Variants in STK32B observed in about 807,000 individuals in gnomAD.
The protein encoded by STK32B is serine/threonine kinase 32B.
In STK32B, 43 loss-of-function variants were observed where a neutral mutation model predicts 52.6. That is an observed-to-expected ratio of 0.82 (90% CI 0.64 to 1.05). STK32B has a LOEUF of 1.05. STK32B is among the 50% of genes least tolerant of loss of function. STK32B has a pLI of 0.00. For missense variants in STK32B, 621 were observed against 534.6 expected (o/e 1.16, Z -1.59); for synonymous variants, 238 against 204.3 (o/e 1.17, Z -1.41).
chr4:5,466,901 GCCACTGTTTAGC>G lies in STK32B; in HGVS notation c.1041+68_1041+79del. 6 of 1,538,900 alleles carry G rather than the reference GCCACTGTTTAGC, an allele frequency of 3.9e-6. No homozygotes were observed. The Admixed American group carries it at 6.4e-5, about 16-fold the overall frequency. ...GCTCATAGGGAAATGACTGAGCCAG[GCCACTGTTTAGC>G]AAAAAGGGGACATTTCAATCCTCCC... On this transcript the variant is annotated intron_variant, in intron 10 of 11. Coordinates refer to ENST00000282908, the MANE Select transcript of STK32B (RefSeq NM_018401.3).
chr4:5,137,323 G>A (rs1244466069), intron 1 of STK32B, among the ~76,000 whole-genome samples: 1 of 152,200 alleles, frequency 6.6e-6, no homozygotes, highest in African/African-American at 2.4e-5. Context: ...GCAAGAAGGA[G>A]CAGAAGAGAG....
the STK32B span, chr4:5,019,451 C>T: frequency 5.4e-5 from 79 of 1,458,678 alleles, no homozygotes; most frequent in African/African-American, 1.0e-3. Context: ...CTCATGGTGC[C>T]AGGCGCTGGT....
chr4:5,071,796 T>A (rs1469270308), intron 1 of STK32B, among the ~76,000 whole-genome samples: 2 of 152,222 alleles, frequency 1.3e-5, no homozygotes, highest in African/African-American at 4.8e-5. Context: ...TTCTGAGGTA[T>A]CATGGTCTTA....
intron 4 of STK32B, among the ~76,000 whole-genome samples, chr4:5,340,183 G>A (rs1347263870): frequency 1.3e-5 from 2 of 152,184 alleles, no homozygotes; most frequent in African/African-American, 2.4e-5. Flanking sequence ...TGATGAATGA[G>A]ACTCAACTTT....
At position 5,374,002 on chromosome 4, in the gene STK32B, G is replaced by A. The variant is rs185512978; in HGVS notation, c.435-24205G>A. Among the ~76,000 whole-genome samples, 270 of 152,232 alleles carry A rather than the reference G, an allele frequency of 1.8e-3. 1 individual carries two copies. The Middle Eastern group carries it at 0.027, about 15-fold the overall frequency. ...GTAAGAATAAGGATGAGGTCATACT[G>A]GATTACAGTGAGCCCTAAATCCAAT... On this transcript the variant is annotated intron_variant, in intron 4 of 11. Transcript: ENST00000282908.
At chr4:5,279,281 C>T (rs1210597569) in intron 3 of STK32B, among the ~76,000 whole-genome samples, 2 of 152,158 alleles carry the variant, frequency 1.3e-5, no homozygotes, top group Non-Finnish European at 2.9e-5. Context: ...GCCCCTATTC[C>T]AAAAGGTAGA....
At chr4:5,287,608 A>G (rs929946963) in intron 3 of STK32B, among the ~76,000 whole-genome samples, 4 of 152,144 alleles carry the variant, frequency 2.6e-5, no homozygotes, top group African/African-American at 9.7e-5. Flanking sequence ...TTCCTGCCCC[A>G]ATCAGTTTCA....
In STK32B at chr4:5,220,879, T is replaced by C. The variant is rs898590973; in HGVS notation, c.260+52429T>C. On this transcript the variant is annotated intron_variant, in intron 3 of 11. Transcript: ENST00000282908. ...AGAATCATTTTCTCCCTCTCCTCTT[T>C]ATCAAGTTGACTGCTCAGGAATTTC... Among the ~76,000 whole-genome samples the C allele has an allele frequency of 6.6e-5, 10 of 152,312 alleles. No individual in the cohort carries two copies. The East Asian group carries it at 1.7e-3, about 26-fold the overall frequency.
At chr4:5,045,592 G>T in the STK32B span, among the ~76,000 whole-genome samples, 7 of 152,148 alleles carry the variant, frequency 4.6e-5, no homozygotes, top group Non-Finnish European at 8.8e-5. Flanking sequence ...ATTTCCTTGA[G>T]CAGTGGTTTG....
At chr4:5,352,141 A>G (rs1173341837) in intron 4 of STK32B, among the ~76,000 whole-genome samples, 1 of 152,098 alleles carries the variant, frequency 6.6e-6, no homozygotes, top group Non-Finnish European at 1.5e-5. Context: ...AGGATACAGC[A>G]ACAAAAGAAA....
intron 3 of STK32B, among the ~76,000 whole-genome samples, chr4:5,295,800 G>C (rs943710125): frequency 5.9e-5 from 9 of 151,900 alleles, no homozygotes; most frequent in African/African-American, 2.2e-4. Flanking sequence ...GTTATTTCTT[G>C]TCTTCTACTA....
rs747160240 is a variant in STK32B, at chr4:5,456,877, A to G, written c.737A>G (p.His246Arg). ...AACATGTTCAAGGTGGAGCGTGTCCACTACTCCTCCACGTGGTGCAAGGGG... is the reference window on the plus strand; with the variant it reads ...AACATGTTCAAGGTGGAGCGTGTCCGCTACTCCTCCACGTGGTGCAAGGGG... Reference protein sequence around the residue: ...ILNMFKVERVHYSSTWCKGMV... With the variant: ...ILNMFKVERVRYSSTWCKGMV... The change falls in exon 8 of 12, where the codon CAC becomes CGC. Residue 246 changes from histidine (H) to arginine (R), a missense_variant. Transcript: ENST00000282908. The G allele has an allele frequency of 1.2e-5, 19 of 1,596,580 alleles. No homozygotes were observed. Among genetic ancestry groups the G allele is most frequent in the Non-Finnish European group, 1.6e-5 (19 of 1,170,592 alleles).
Position 5,499,460 on chromosome 4 carries a change from C to G in STK32B, c.*377C>G, listed in dbSNP as rs896072693. On this transcript the variant is annotated 3_prime_UTR_variant, in exon 12 of 12. Transcript: ENST00000282908. Reference sequence around the variant, plus strand: ...TAATATTTGAAGTGACCCCCATTCCCCAAAGCAATCAAACCGTCATGACTT... The same window carrying G: ...TAATATTTGAAGTGACCCCCATTCCGCAAAGCAATCAAACCGTCATGACTT... The G allele has an allele frequency of 5.6e-6, 1 of 179,234 alleles. No individual in the cohort carries two copies. Among genetic ancestry groups the G allele is most frequent in the African/African-American group, 2.3e-5 (1 of 42,632 alleles). 11.1% of individuals were successfully genotyped at this position (179,234 alleles called of 1,614,324 possible). A position where few individuals can be genotyped will look rare whatever the true frequency, so the allele number is the denominator to read the frequency against.
At chr4:5,286,938 C>T (rs1273278320) in intron 3 of STK32B, among the ~76,000 whole-genome samples, 2 of 151,730 alleles carry the variant, frequency 1.3e-5, no homozygotes, top group African/African-American at 4.8e-5. Flanking sequence ...GCTGAGATTA[C>T]AGGCGTCAGC....
chr4:5,132,761 T>C (rs1346649794), intron 1 of STK32B, among the ~76,000 whole-genome samples: 4 of 152,126 alleles, frequency 2.6e-5, no homozygotes, highest in African/African-American at 9.7e-5. Context: ...TGGAAATTCA[T>C]ACACCTGGAT....
chr4:5,302,970 ATGTGTGTGTGTC>A (rs1035837820), intron 3 of STK32B, among the ~76,000 whole-genome samples: 1 of 146,462 alleles, frequency 6.8e-6, no homozygotes, highest in African/African-American at 2.7e-5. Context: ...TCTATGGTAT[ATGTGTGTGTGTC>A]TGTGTGTGTG....
chr4:5,108,066 G>A (rs1212289896), intron 1 of STK32B, among the ~76,000 whole-genome samples: 10 of 152,200 alleles, frequency 6.6e-5, no homozygotes, highest in Non-Finnish European at 1.0e-4. Flanking sequence ...AGCCACTCCA[G>A]GGTAACCATT....
chr4:5,233,751 T>A (rs1211994686), intron 3 of STK32B, among the ~76,000 whole-genome samples: 1 of 151,174 alleles, frequency 6.6e-6, no homozygotes, highest in Non-Finnish European at 1.5e-5. Context: ...GAGGAGGGAC[T>A]TGGGATAGAG....
the STK32B span, among the ~76,000 whole-genome samples, chr4:5,034,314 G>C: frequency 6.6e-6 from 1 of 152,194 alleles, no homozygotes; most frequent in Non-Finnish European, 1.5e-5. Flanking sequence ...ACACACTGTA[G>C]GGATAACCTC....
Sources: gnomAD v4.1 joint callset for allele counts (sites outside exome capture counted in the v4.1 genomes callset) on GRCh38, gnomAD v4.1.1 for gene constraint, MANE v1.5 for transcripts, NCBI Gene and HGNC (gene_info 2026-07-23, HGNC 2026-07-21) for gene names.